Variants in FYB1 observed in about 807,000 individuals in gnomAD.
FYB1 encodes FYN-binding protein 1.
A neutral mutation model predicts 94.1 loss-of-function variants in FYB1; 41 were observed. The observed-to-expected ratio is 0.44, with a 90% CI of 0.34 to 0.57. FYB1 has a LOEUF of 0.57. Among genes scored for constraint, FYB1 ranks in the 20% least tolerant of loss-of-function variants. FYB1 has a pLI of 0.02. For missense variants in FYB1, 1,050 were observed against 976.8 expected (o/e 1.07, Z -1.00); for synonymous variants, 367 against 353.2 (o/e 1.04, Z -0.44).
At chr5:39,170,189 T>C (rs1745119645) in intron 2 of FYB1, 2 of 801,938 alleles carry the variant, frequency 2.5e-6, no homozygotes, top group Admixed American at 3.8e-5. Flanking sequence ...TTTGAACTTC[T>C]GTGAAGTTCA....
chr5:39,226,419 C>A (rs912861707), intron 1 of FYB1, among the ~76,000 whole-genome samples: 1 of 151,784 alleles, frequency 6.6e-6, no homozygotes, highest in African/African-American at 2.4e-5. Context: ...AAAATCAACT[C>A]TTTAAGAGTA....
intron 1 of FYB1, among the ~76,000 whole-genome samples, chr5:39,227,914 A>G (rs550463401): frequency 1.3e-5 from 2 of 152,322 alleles, no homozygotes; most frequent in Admixed American, 1.3e-4. Flanking sequence ...TTGACCCAAA[A>G]TGTTTTTCAC....
chr5:39,260,875 TC>T (rs1025726086), intron 1 of FYB1, among the ~76,000 whole-genome samples: 46 of 152,160 alleles, frequency 3.0e-4, no homozygotes, highest in African/African-American at 1.1e-3. Flanking sequence ...CTGAGATATG[TC>T]CATATGACTT....
intron 2 of FYB1, 40 bp downstream of exon 2, chr5:39,201,786 G>C (rs748750249): frequency 6.5e-7 from 1 of 1,545,178 alleles, no homozygotes. Context: ...CTCTGCCTTG[G>C]AGTAAACCAT....
intron 1 of FYB1, among the ~76,000 whole-genome samples, chr5:39,250,098 A>C (rs1433739056): frequency 6.6e-6 from 1 of 151,950 alleles, no homozygotes; most frequent in Non-Finnish European, 1.5e-5. Flanking sequence ...CCCTTTTACC[A>C]TGATTGTAAA....
At chr5:39,244,266 T>C (rs987507654) in intron 1 of FYB1, among the ~76,000 whole-genome samples, 1 of 152,180 alleles carries the variant, frequency 6.6e-6, no homozygotes, top group Non-Finnish European at 1.5e-5. Flanking sequence ...CGGTATGATA[T>C]TGGCTGTGGG....
chr5:39,222,287 G>A (rs1579728840), upstream of FYB1, among the ~76,000 whole-genome samples: 1 of 152,138 alleles, frequency 6.6e-6, no homozygotes, highest in African/African-American at 2.4e-5. Flanking sequence ...AGTTCCTTAA[G>A]GGTTGGCGGT....
chr5:39,200,770 C>T (rs930008622), intron 2 of FYB1, among the ~76,000 whole-genome samples: 22 of 152,176 alleles, frequency 1.4e-4, no homozygotes, highest in Admixed American at 1.4e-3. Context: ...AAACGAAAAA[C>T]AACCTTTAGG....
rs563920270 is a variant in FYB1 at position 39,179,005 on chromosome 5, T to C, written c.1135+22821A>G. Among the ~76,000 whole-genome samples, 9 of 152,314 alleles carry C rather than the reference T, an allele frequency of 5.9e-5. No homozygotes were observed. In the East Asian group the frequency reaches 1.5e-3, roughly 26 times the overall value. On this transcript the variant is annotated intron_variant, in intron 2 of 18. Coordinates refer to ENST00000512982, the MANE Select transcript of FYB1 (RefSeq NM_001465.6). ...GTCCATACGTAGTTTTGCATGTAAA[T>C]GTCGGCTTGTTTGTTCCCACACTAG...
At chr5:39,221,202 C>G (rs957466874), upstream of FYB1, among the ~76,000 whole-genome samples, 13 of 152,132 alleles carry the variant, frequency 8.5e-5, no homozygotes, top group African/African-American at 3.1e-4. Context: ...CCCCATCATG[C>G]TTTCCCCTCC....
At chr5:39,184,615 G>A (rs1746576963) in intron 2 of FYB1, among the ~76,000 whole-genome samples, 1 of 152,100 alleles carries the variant, frequency 6.6e-6, no homozygotes, top group African/African-American at 2.4e-5. Context: ...TGCAGAATAT[G>A]CTATTGAATA....
rs1393136018 is a variant in FYB1, at chr5:39,141,115, T to C, written c.1319A>G (p.Asp440Gly). 5.7e-6 allele frequency: 9 copies of C among 1,592,638 alleles called. No individual in the cohort carries two copies. The Admixed American group carries it at 1.0e-4, about 19-fold the overall frequency. ...LKSPVNEDNQ[D>G]GVTHSDGAGN... Reference sequence around the variant, plus strand: ...TTTACCATCAGAGTGCGTGACACCATCTTGATTGTCTTCATTGACAGGGCT... The same window carrying C: ...TTTACCATCAGAGTGCGTGACACCACCTTGATTGTCTTCATTGACAGGGCT... Residue 440 changes from aspartate (D) to glycine (G), a missense_variant, in exon 4 of 19, where the codon GAT (aspartate) becomes GGT (glycine). Asp to Gly is a moderately conservative substitution (Grantham distance 94). Transcript: ENST00000512982.
intron 2 of FYB1, among the ~76,000 whole-genome samples, chr5:39,179,781 G>T (rs1746052526): frequency 6.6e-6 from 1 of 151,890 alleles, no homozygotes; most frequent in South Asian, 2.1e-4. Flanking sequence ...GCCCAGCCCT[G>T]CACTTAAAGC....
At chr5:39,143,159 T>G (rs1322997914) in intron 3 of FYB1, among the ~76,000 whole-genome samples, 1 of 152,168 alleles carries the variant, frequency 6.6e-6, no homozygotes, top group Non-Finnish European at 1.5e-5. Flanking sequence ...GAGATTCCGA[T>G]TCAAATATAT....
intron 1 of FYB1, among the ~76,000 whole-genome samples, chr5:39,207,046 A>T (rs989818901): frequency 6.6e-6 from 1 of 152,048 alleles, no homozygotes; most frequent in Non-Finnish European, 1.5e-5. Flanking sequence ...GGTGCGTGTT[A>T]TTTGCAGAAC....
At chr5:39,108,450 C>T (rs998951182) in intron 17 of FYB1, among the ~76,000 whole-genome samples, 188 bp from the exon 18 acceptor site, 2 of 151,844 alleles carry the variant, frequency 1.3e-5, no homozygotes, top group African/African-American at 4.8e-5. Context: ...TAATCTAGTC[C>T]TCTGTTTCAT....
At chr5:39,130,724 A>G (rs993633412) in intron 9 of FYB1, 112 bp from the exon 10 acceptor site, 1 of 842,874 alleles carries the variant, frequency 1.2e-6, no homozygotes, top group East Asian at 2.7e-5. Context: ...TCCAGTCGAA[A>G]GTTCTTAGAA....
At chr5:39,130,687 A>G (rs1431248904) in intron 9 of FYB1, 75 bp from the exon 10 acceptor site, 1 of 1,126,136 alleles carries the variant, frequency 8.9e-7, no homozygotes, top group East Asian at 2.6e-5. Context: ...ACATATCCTG[A>G]TTAGTTATTC....
intron 1 of FYB1, among the ~76,000 whole-genome samples, chr5:39,210,625 T>A (rs935757361): frequency 6.6e-6 from 1 of 152,234 alleles, no homozygotes; most frequent in Non-Finnish European, 1.5e-5. Context: ...AATGTTCTTT[T>A]CCTGGTTATC....
Sources: gnomAD v4.1 joint callset for allele counts (sites outside exome capture counted in the v4.1 genomes callset) on GRCh38, gnomAD v4.1.1 for gene constraint, MANE v1.5 for transcripts, NCBI Gene and HGNC (gene_info 2026-07-23, HGNC 2026-07-21) for gene names.